Variants in LRRTM4 observed in about 807,000 individuals in gnomAD.
LRRTM4 encodes leucine rich repeat transmembrane neuronal 4, also known as leucine-rich repeat transmembrane neuronal protein 4.
LRRTM4 carries 25 observed loss-of-function variants against 47.6 expected under a neutral mutation model. The ratio of observed to expected loss-of-function variants is 0.53; its 90% CI spans 0.38 to 0.73. LRRTM4 has a LOEUF of 0.73. Ranked by LOEUF, LRRTM4 falls within the 30% of genes least tolerant of loss-of-function variation. LRRTM4 has a pLI of 0.00. For missense variants in LRRTM4, 638 were observed against 713.4 expected (o/e 0.89, Z 1.20); for synonymous variants, 311 against 269.5 (o/e 1.15, Z -1.51).
At chr2:77,037,205 G>C (rs1424659915) in intron 3 of LRRTM4, among the ~76,000 whole-genome samples, 1 of 151,740 alleles carries the variant, frequency 6.6e-6, no homozygotes, top group Non-Finnish European at 1.5e-5. Flanking sequence ...TATACAGAGA[G>C]AGAATATGGG....
intron 3 of LRRTM4, among the ~76,000 whole-genome samples, chr2:77,006,802 C>T (rs1425910740): frequency 2.6e-5 from 4 of 152,150 alleles, no homozygotes; most frequent in Non-Finnish European, 2.9e-5. Context: ...CAGGCAAGAC[C>T]AGCTAAGCTT....
At chr2:76,905,885 G>T (rs1317062905) in intron 3 of LRRTM4, among the ~76,000 whole-genome samples, 1 of 152,162 alleles carries the variant, frequency 6.6e-6, no homozygotes. Context: ...GTACCTGAAA[G>T]TGACAGGGAG....
intron 3 of LRRTM4, among the ~76,000 whole-genome samples, chr2:77,457,044 ATATATATGTAT>A (rs1676587182): frequency 1.2e-4 from 3 of 25,164 alleles, no homozygotes; most frequent in Non-Finnish European, 2.4e-4. Context: ...ATATATATAT[ATATATATGTAT>A]AACCTGGAAC....
At chr2:77,186,884 C>T (rs759119285) in intron 3 of LRRTM4, among the ~76,000 whole-genome samples, 20 of 152,124 alleles carry the variant, frequency 1.3e-4, no homozygotes, top group African/African-American at 3.9e-4. Context: ...AGTCATCACA[C>T]AGAAACTTCT....
At chr2:77,000,323 GGTTA>G (rs1177591797) in intron 3 of LRRTM4, among the ~76,000 whole-genome samples, 1 of 147,768 alleles carries the variant, frequency 6.8e-6, no homozygotes, top group Non-Finnish European at 1.5e-5. Flanking sequence ...AAAAAAAAAG[GGTTA>G]GTAATTGTGT....
At chr2:77,053,722 G>A (rs1054317788) in intron 3 of LRRTM4, among the ~76,000 whole-genome samples, 43 of 151,838 alleles carry the variant, frequency 2.8e-4, no homozygotes, top group African/African-American at 1.0e-3. Context: ...AAGGAACATT[G>A]GGTACACAAT....
chr2:76,773,759 A>AAAT (rs1286984000), intron 3 of LRRTM4, among the ~76,000 whole-genome samples: 3 of 152,068 alleles, frequency 2.0e-5, no homozygotes, highest in African/African-American at 7.2e-5. Context: ...AGAAGTAAAC[A>AAAT]AATAGAAATC....
At chr2:76,754,090 G>C (rs1672944382) in intron 3 of LRRTM4, among the ~76,000 whole-genome samples, 1 of 152,084 alleles carries the variant, frequency 6.6e-6, no homozygotes, top group Non-Finnish European at 1.5e-5. Flanking sequence ...AAAGGATAGT[G>C]TCTAACTACT....
chr2:76,870,636 C>A (rs550468677), intron 3 of LRRTM4, among the ~76,000 whole-genome samples: 1 of 152,246 alleles, frequency 6.6e-6, no homozygotes, highest in African/African-American at 2.4e-5. Flanking sequence ...CTACAGCTTT[C>A]ATTTTTCTCT....
chr2:77,421,408 T>C (rs1367288715), intron 3 of LRRTM4, among the ~76,000 whole-genome samples: 1 of 152,120 alleles, frequency 6.6e-6, no homozygotes, highest in Non-Finnish European at 1.5e-5. Flanking sequence ...GTTACTGCCA[T>C]CTGGAAGGAA....
chr2:76,936,218 G>A (rs1315803610), intron 3 of LRRTM4, among the ~76,000 whole-genome samples: 1 of 152,118 alleles, frequency 6.6e-6, no homozygotes. Flanking sequence ...ACTGGATAAA[G>A]AAAATATGGT....
At chr2:77,154,627 G>A (rs539110032) in intron 3 of LRRTM4, among the ~76,000 whole-genome samples, 16 of 152,054 alleles carry the variant, frequency 1.1e-4, no homozygotes, top group Admixed American at 5.2e-4. Context: ...CAGAATTTAC[G>A]CTGAGATGAT....
intron 3 of LRRTM4, among the ~76,000 whole-genome samples, chr2:77,335,657 T>G (rs989339341): frequency 2.6e-5 from 4 of 152,210 alleles, no homozygotes; most frequent in African/African-American, 9.7e-5. Flanking sequence ...TAATATTCAT[T>G]TATCATAATT....
chr2:76,793,407 A>C (rs565479788), intron 3 of LRRTM4, among the ~76,000 whole-genome samples: 1 of 152,304 alleles, frequency 6.6e-6, no homozygotes, highest in African/African-American at 2.4e-5. Flanking sequence ...AATTACTGAA[A>C]TCGTTTATCA....
At chr2:76,981,665 A>T (rs1446191079) in intron 3 of LRRTM4, among the ~76,000 whole-genome samples, 1 of 151,810 alleles carries the variant, frequency 6.6e-6, no homozygotes, top group Non-Finnish European at 1.5e-5. Flanking sequence ...GCTAGTTTCT[A>T]AATTTTTTGC....
intron 3 of LRRTM4, among the ~76,000 whole-genome samples, chr2:77,415,015 T>C (rs919588357): frequency 1.3e-5 from 2 of 152,194 alleles, no homozygotes; most frequent in Non-Finnish European, 2.9e-5. Context: ...CAAAATAGCC[T>C]TTTGAAAGAT....
At chr2:77,120,154 G>T (rs1671489377) in intron 3 of LRRTM4, among the ~76,000 whole-genome samples, 2 of 151,528 alleles carry the variant, frequency 1.3e-5, no homozygotes, top group African/African-American at 2.4e-5. Flanking sequence ...TTGGAAAATG[G>T]TTTTTTTTGG....
intron 3 of LRRTM4, among the ~76,000 whole-genome samples, chr2:77,134,275 C>T (rs964055285): frequency 6.6e-6 from 1 of 152,150 alleles, no homozygotes; most frequent in Non-Finnish European, 1.5e-5. Flanking sequence ...TCTTCTAGTG[C>T]CGTGACTTGT....
At chr2:77,334,728 T>C (rs1471847562) in intron 3 of LRRTM4, among the ~76,000 whole-genome samples, 1 of 152,234 alleles carries the variant, frequency 6.6e-6, no homozygotes, top group Non-Finnish European at 1.5e-5. Context: ...CTTCTTGGTA[T>C]GTTTATCTTC....
Sources: gnomAD v4.1 joint callset for allele counts (sites outside exome capture counted in the v4.1 genomes callset) on GRCh38, gnomAD v4.1.1 for gene constraint, MANE v1.5 for transcripts, NCBI Gene and HGNC (gene_info 2026-07-23, HGNC 2026-07-21) for gene names.